DNAJC6: variants seen among roughly 807,000 people sequenced by gnomAD.
DNAJC6 encodes DnaJ heat shock protein family (Hsp40) member C6.
DNAJC6 carries 34 observed loss-of-function variants against 110.0 expected under a neutral mutation model. The observed-to-expected ratio is 0.31, with a 90% CI of 0.24 to 0.41. The LOEUF (loss-of-function observed/expected upper bound fraction) is 0.41, where lower values mean the gene tolerates loss of function less well. DNAJC6 is among the 10% of genes least tolerant of loss of function. DNAJC6 has a pLI of 1.00. For synonymous variants in DNAJC6, 406 were observed against 437.2 expected (o/e 0.93, Z 0.89); for missense variants, 1,031 against 1,207.8 (o/e 0.85, Z 2.17).
At chr1:65,301,507 T>A (rs890197823) in intron 1 of DNAJC6, among the ~76,000 whole-genome samples, 3 of 152,198 alleles carry the variant, frequency 2.0e-5, no homozygotes, top group African/African-American at 7.2e-5. Flanking sequence ...AAACTTCTGA[T>A]CGACCAGATT....
At chr1:65,370,339 A>G (rs1166018458) in intron 4 of DNAJC6, among the ~76,000 whole-genome samples, 1 of 152,240 alleles carries the variant, frequency 6.6e-6, no homozygotes, top group Non-Finnish European at 1.5e-5. Flanking sequence ...TTGCATAACC[A>G]ACACCGCTAT....
At chr1:65,347,382 C>T (rs187013884) in intron 1 of DNAJC6, among the ~76,000 whole-genome samples, 61 of 152,006 alleles carry the variant, frequency 4.0e-4, no homozygotes, top group African/African-American at 1.4e-3. Context: ...CACAAGGCCC[C>T]GTCTGGTTTT....
rs914394613 is a variant in DNAJC6 at position 65,389,697 on chromosome 1, C to T, written c.1468+70C>T. On this transcript the variant is annotated intron_variant, in intron 11 of 18. Coordinates refer to ENST00000371069, the MANE Select transcript of DNAJC6 (RefSeq NM_001256864.2). The stretch of plus-strand genomic sequence containing the variant: ...TATTTCTTCTGTAAAGATGTTGGCC[C>T]TAGAAGCAGACTACATTAAAGCAGC... 13 of 1,538,852 alleles carry T rather than the reference C, an allele frequency of 8.4e-6. No individual in the cohort carries two copies. The African/African-American group carries it at 1.5e-4, about 18-fold the overall frequency.
chr1:65,408,483 C>T (rs952403519), intron 16 of DNAJC6, among the ~76,000 whole-genome samples, 158 bp from the exon 17 acceptor site: 5 of 152,102 alleles, frequency 3.3e-5, no homozygotes, highest in African/African-American at 9.7e-5. Flanking sequence ...AGAATGGATG[C>T]AACAGTCTCT....
exon 1 of DNAJC6, chr1:65,264,783 G>T (rs1653259023): frequency 1.3e-6 from 2 of 1,507,292 alleles, no homozygotes; most frequent in Non-Finnish European, 1.8e-6. Flanking sequence ...AATTATCATA[G>T]CCCGAGTGCT....
intron 11 of DNAJC6, among the ~76,000 whole-genome samples, chr1:65,390,599 C>T (rs7545397): frequency 5.3e-5 from 8 of 151,954 alleles, no homozygotes; most frequent in African/African-American, 1.9e-4. Context: ...TCAGTGTAGA[C>T]GTGGGTAGTC....
intron 4 of DNAJC6, among the ~76,000 whole-genome samples, chr1:65,373,841 A>G (rs1178750139): frequency 6.6e-6 from 1 of 152,122 alleles, no homozygotes; most frequent in Non-Finnish European, 1.5e-5. Flanking sequence ...GAGGTCTTCC[A>G]CAAGAAATTT....
At chr1:65,395,515 G>C (rs944594265) in intron 13 of DNAJC6, among the ~76,000 whole-genome samples, 1 of 152,078 alleles carries the variant, frequency 6.6e-6, no homozygotes, top group Non-Finnish European at 1.5e-5. Flanking sequence ...GTTACGTGTG[G>C]CTGTTGATGA....
At chr1:65,296,883 G>T (rs1644934664) in intron 1 of DNAJC6, among the ~76,000 whole-genome samples, 1 of 152,144 alleles carries the variant, frequency 6.6e-6, no homozygotes, top group South Asian at 2.1e-4. Context: ...ACCACGCCCA[G>T]CCTCATTCAG....
At chr1:65,279,128 T>C (rs1434645809) in intron 1 of DNAJC6, 1 of 985,292 alleles carries the variant, frequency 1.0e-6, no homozygotes, top group Non-Finnish European at 1.2e-6. Flanking sequence ...ACAAGGTATG[T>C]TTGATCCTCT....
At chr1:65,376,296 A>G (rs1645765926) in intron 4 of DNAJC6, among the ~76,000 whole-genome samples, 2 of 151,336 alleles carry the variant, frequency 1.3e-5, no homozygotes, top group African/African-American at 4.8e-5. Context: ...TTCTTAGCTT[A>G]CCTAGAGGTT....
chr1:65,275,735 T>C (rs934693113), intron 1 of DNAJC6, among the ~76,000 whole-genome samples: 14 of 152,128 alleles, frequency 9.2e-5, no homozygotes, highest in Non-Finnish European at 1.5e-5. Context: ...TTCCTTCATT[T>C]TCTGTATACT....
At chr1:65,389,086 G>A (rs1184939145) in intron 9 of DNAJC6, among the ~76,000 whole-genome samples, 170 bp from the exon 10 acceptor site, 1 of 152,132 alleles carries the variant, frequency 6.6e-6, no homozygotes, top group East Asian at 1.9e-4. Context: ...CTCTAGATTA[G>A]GAAACTGAAG....
chr1:65,341,721 C>A (rs1645390766), intron 1 of DNAJC6, among the ~76,000 whole-genome samples: 1 of 151,560 alleles, frequency 6.6e-6, no homozygotes, highest in African/African-American at 2.4e-5. Flanking sequence ...CCCTGGAATG[C>A]TGGTGCATGT....
At chr1:65,363,986 GC>G (rs1645621628) in intron 1 of DNAJC6, among the ~76,000 whole-genome samples, 1 of 152,114 alleles carries the variant, frequency 6.6e-6, no homozygotes, top group South Asian at 2.1e-4. Flanking sequence ...TTAAGGGATA[GC>G]CATGGAATGG....
In DNAJC6 at chr1:65,392,614, C is replaced by A. The variant is rs369646074; in HGVS notation, c.1652C>A (p.Pro551His). 1 of 1,614,024 alleles carries A rather than the reference C, an allele frequency of 6.2e-7. No individual in the cohort carries two copies. The highest frequency in any genetic ancestry group is 8.5e-7 in the Non-Finnish European group (1 of 1,179,968). Residue 551 changes from proline (P) to histidine (H), a missense_variant, in exon 12 of 19, where the codon CCT becomes CAT. By Grantham distance (77) the Pro-to-His change is moderately conservative. Transcript: ENST00000371069. ...CAGGAGCCAGCAGCCCCTCCACCCC[C>A]TGAGGATGTGGACCTTTTGGGCCTG... is the stretch of plus-strand genomic sequence containing the variant. ...KQQEPAAPPP[P>H]EDVDLLGLEG...
chr1:65,398,329 A>C (rs561819742), intron 13 of DNAJC6, among the ~76,000 whole-genome samples: 3 of 152,298 alleles, frequency 2.0e-5, no homozygotes, highest in Admixed American at 6.5e-5. Flanking sequence ...GGAGAAAACA[A>C]AATGTCAGTT....
chr1:65,353,605 A>G (rs1208584042), intron 1 of DNAJC6, among the ~76,000 whole-genome samples: 1 of 152,154 alleles, frequency 6.6e-6, no homozygotes, highest in African/African-American at 2.4e-5. Flanking sequence ...CGCAGAGTTC[A>G]TTTTGGTTTC....
intron 13 of DNAJC6, 81 bp downstream of exon 13, chr1:65,395,113 C>T: frequency 7.2e-7 from 1 of 1,380,878 alleles, no homozygotes; most frequent in Non-Finnish European, 9.5e-7. Flanking sequence ...TAAAAGCACC[C>T]TGTGGGTGCT....
Sources: allele counts gnomAD v4.1 joint callset (sites outside exome capture counted in the v4.1 genomes callset), GRCh38; gene constraint gnomAD v4.1.1; transcripts MANE v1.5; gene names NCBI Gene and HGNC (gene_info 2026-07-23, HGNC 2026-07-21).